CDH10: variants seen among roughly 807,000 people sequenced by gnomAD.
CDH10 encodes the protein cadherin 10, also known as cadherin-10.
In CDH10, 30 loss-of-function variants were observed where a neutral mutation model predicts 73.1. That is an observed-to-expected ratio of 0.41 (90% CI 0.31 to 0.56). CDH10 has a LOEUF of 0.56. Among genes scored for constraint, CDH10 ranks in the 20% least tolerant of loss-of-function variants. CDH10 has a pLI of 0.27. For missense variants in CDH10, 815 were observed against 973.7 expected, an observed-to-expected ratio of 0.84 and a Z score of 2.17; for synonymous variants, 345 against 348.2, an observed-to-expected ratio of 0.99 and a Z score of 0.10.
At chr5:24,516,229 T>C (rs1238437535) in intron 5 of CDH10, among the ~76,000 whole-genome samples, 3 of 152,228 alleles carry the variant, frequency 2.0e-5, no homozygotes, top group Non-Finnish European at 2.9e-5. Context: ...GTGTATTATA[T>C]CATAGCAGGG....
intron 5 of CDH10, among the ~76,000 whole-genome samples, chr5:24,522,539 C>A (rs190913246): frequency 6.6e-6 from 1 of 152,010 alleles, no homozygotes; most frequent in Admixed American, 6.6e-5. Context: ...GGATGACAGG[C>A]GTCCCTGACT....
chr5:24,533,300 C>T (rs1743815799), intron 5 of CDH10, among the ~76,000 whole-genome samples: 1 of 151,572 alleles, frequency 6.6e-6, no homozygotes, highest in Admixed American at 6.6e-5. Flanking sequence ...GCACTCCAGC[C>T]TGTGGCACAG....
intron 2 of CDH10, among the ~76,000 whole-genome samples, chr5:24,574,391 C>A (rs916044642): frequency 4.6e-5 from 7 of 152,064 alleles, no homozygotes; most frequent in South Asian, 4.1e-4. Context: ...CAGTGATAAA[C>A]TCGCATGACA....
chr5:24,490,053 A>T (rs1397928042), intron 11 of CDH10, among the ~76,000 whole-genome samples: 2 of 152,152 alleles, frequency 1.3e-5, no homozygotes, highest in Admixed American at 1.3e-4. Context: ...TGTCAAGTGA[A>T]AAAGGTTGTC....
intron 2 of CDH10, among the ~76,000 whole-genome samples, chr5:24,566,717 G>A (rs184747840): frequency 2.8e-4 from 42 of 151,932 alleles, no homozygotes; most frequent in Non-Finnish European, 5.2e-4. Flanking sequence ...ATATATTTAC[G>A]TTCTAATGAA....
At chr5:24,522,666 G>A (rs1490503942) in intron 5 of CDH10, among the ~76,000 whole-genome samples, 1 of 152,116 alleles carries the variant, frequency 6.6e-6, no homozygotes, top group Non-Finnish European at 1.5e-5. Flanking sequence ...ATTTTCAGCA[G>A]CTGCCCACAC....
rs967474066 is a variant in CDH10, at chr5:24,504,445, T to C, written c.1393+667A>G. On this transcript the variant is annotated intron_variant, in intron 8 of 11. Transcript: ENST00000264463. ...TTCAGTTTTGCCACTTCATTGGGTC[T>C]TTCTTTGTGAGAGCTCCTGTGTCAT... Among the ~76,000 whole-genome samples the C allele has an allele frequency of 3.7e-4, 56 of 151,210 alleles. 2 individuals are homozygous for C. Among genetic ancestry groups the C allele is most frequent in the Non-Finnish European group, 4.4e-5 (3 of 67,856 alleles).
chr5:24,644,297 T>C (rs1447134399), intron 1 of CDH10, among the ~76,000 whole-genome samples: 1 of 152,188 alleles, frequency 6.6e-6, no homozygotes. Context: ...ACATATTTTT[T>C]AGCATTTGTT....
At chr5:24,508,369 A>G (rs1490859000) in intron 7 of CDH10, among the ~76,000 whole-genome samples, 2 of 152,168 alleles carry the variant, frequency 1.3e-5, no homozygotes, top group African/African-American at 4.8e-5. Flanking sequence ...GGAAAACAAG[A>G]ATTGAAAAGA....
chr5:24,523,084 CG>C (rs1394614919), intron 5 of CDH10, among the ~76,000 whole-genome samples: 1 of 148,584 alleles, frequency 6.7e-6, no homozygotes, highest in Non-Finnish European at 1.5e-5. Flanking sequence ...ATACAGAAAA[CG>C]GGGATGGGGG....
At chr5:24,508,701 T>C (rs1302454104) in intron 7 of CDH10, among the ~76,000 whole-genome samples, 2 of 148,608 alleles carry the variant, frequency 1.3e-5, no homozygotes, top group Non-Finnish European at 2.9e-5. Flanking sequence ...TAATTTTTTA[T>C]AGAGACAGGG....
At chr5:24,599,882 A>G (rs996997271) in intron 1 of CDH10, among the ~76,000 whole-genome samples, 3 of 152,152 alleles carry the variant, frequency 2.0e-5, no homozygotes, top group Admixed American at 2.0e-4. Context: ...CACAATACTA[A>G]AAACCCACTT....
At chr5:24,552,553 G>A (rs540854023) in intron 2 of CDH10, among the ~76,000 whole-genome samples, 4 of 151,774 alleles carry the variant, frequency 2.6e-5, no homozygotes, top group Admixed American at 2.0e-4. Context: ...TTTGATTGGT[G>A]CATCATTTTC....
chr5:24,615,414 G>C (rs1166757413), intron 1 of CDH10, among the ~76,000 whole-genome samples: 1 of 152,040 alleles, frequency 6.6e-6, no homozygotes, highest in Non-Finnish European at 1.5e-5. Flanking sequence ...GATTTTTATA[G>C]TATTTAACTG....
At chr5:24,564,858 T>C (rs1243906319) in intron 2 of CDH10, among the ~76,000 whole-genome samples, 1 of 152,154 alleles carries the variant, frequency 6.6e-6, no homozygotes, top group African/African-American at 2.4e-5. Context: ...GCCCAGGTTT[T>C]GAAACCTCAT....
Position 24,593,616 on chromosome 5 carries a change from TCAAA to T in CDH10, c.-123-7_-123-4del, listed in dbSNP as rs544547791. 49 of 565,712 alleles carry T rather than the reference TCAAA, an allele frequency of 8.7e-5. No individual in the cohort carries two copies. The highest frequency in any genetic ancestry group is 2.5e-4 in the African/African-American group (13 of 52,156). The allele number at this position is 565,712 out of a possible 1,614,324, so 35.0% of individuals were successfully genotyped here. A position where few individuals can be genotyped will look rare whatever the true frequency, so the allele number is the denominator to read the frequency against. On this transcript the variant is annotated splice_region_variant and splice_polypyrimidine_tract_variant and intron_variant, in intron 1 of 11. Transcript: ENST00000264463. ...TGTTTTGTTCATGTTTCCCAAAGCT[TCAAA>T]CAAACAAACAAACAAAAAAAGTTAG...
intron 5 of CDH10, among the ~76,000 whole-genome samples, chr5:24,533,384 G>A (rs1369360103): frequency 6.6e-6 from 1 of 151,694 alleles, no homozygotes; most frequent in Non-Finnish European, 1.5e-5. Flanking sequence ...GACAAGATAT[G>A]GGATGATCTA....
chr5:24,556,350 A>G (rs2111971864), intron 2 of CDH10, among the ~76,000 whole-genome samples: 1 of 152,208 alleles, frequency 6.6e-6, no homozygotes, highest in Non-Finnish European at 1.5e-5. Context: ...CTTAACTTTA[A>G]AAAACATGCA....
chr5:24,636,918 C>A (rs1225981882), intron 1 of CDH10, among the ~76,000 whole-genome samples: 1 of 151,846 alleles, frequency 6.6e-6, no homozygotes, highest in Non-Finnish European at 1.5e-5. Flanking sequence ...ATTCAAAATC[C>A]ATTCTCAGGG....
Sources: gnomAD v4.1 joint callset for allele counts (sites outside exome capture counted in the v4.1 genomes callset) on GRCh38, gnomAD v4.1.1 for gene constraint, MANE v1.5 for transcripts, NCBI Gene and HGNC (gene_info 2026-07-23, HGNC 2026-07-21) for gene names.